RNF180: variants seen among roughly 807,000 people sequenced by gnomAD.
RNF180 encodes ring finger protein 180.
RNF180 carries 38 observed loss-of-function variants against 59.2 expected under a neutral mutation model. That is an observed-to-expected ratio of 0.64 (90% CI 0.50 to 0.84). RNF180 has a LOEUF of 0.84. Among genes scored for constraint, RNF180 ranks in the 40% least tolerant of loss-of-function variants. The probability of loss-of-function intolerance (pLI) is 0.00; values close to 1 mark genes in which losing one functional copy is unlikely to be tolerated. For synonymous variants in RNF180, 262 were observed against 240.3 expected (o/e 1.09, Z -0.84); for missense variants, 705 against 700.9 (o/e 1.01, Z -0.07).
chr5:64,263,472 TTAAC>T (rs1365282801), intron 5 of RNF180, among the ~76,000 whole-genome samples: 1 of 152,132 alleles, frequency 6.6e-6, no homozygotes, highest in Non-Finnish European at 1.5e-5. Flanking sequence ...TAAAAGAAAA[TTAAC>T]TATGTAATGA....
intron 5 of RNF180, among the ~76,000 whole-genome samples, chr5:64,240,378 C>A (rs931243408): frequency 3.3e-5 from 5 of 152,088 alleles, no homozygotes; most frequent in Admixed American, 1.3e-4. Flanking sequence ...GATTAGCAGG[C>A]CATATGCCTA....
At chr5:64,224,682 C>G (rs997696672) in intron 5 of RNF180, among the ~76,000 whole-genome samples, 3 of 152,122 alleles carry the variant, frequency 2.0e-5, no homozygotes, top group Admixed American at 6.5e-5. Context: ...GGGGAAATGT[C>G]AGTTGGGAGG....
chr5:64,340,320 G>A (rs554266667), intron 7 of RNF180, among the ~76,000 whole-genome samples: 1 of 152,244 alleles, frequency 6.6e-6, no homozygotes, highest in African/African-American at 2.4e-5. Flanking sequence ...ACAAAAACAT[G>A]CAGCTGAAAT....
chr5:64,249,028 T>G (rs1292300256), intron 5 of RNF180, among the ~76,000 whole-genome samples: 3 of 152,096 alleles, frequency 2.0e-5, no homozygotes, highest in Admixed American at 2.0e-4. Context: ...ACTGCATGTT[T>G]TCACTCATAA....
chr5:64,184,267 G>A (rs1386819018), intron 1 of RNF180, among the ~76,000 whole-genome samples: 3 of 152,124 alleles, frequency 2.0e-5, no homozygotes, highest in Admixed American at 2.0e-4. Flanking sequence ...CTTTGTTATG[G>A]TAGTACTAGC....
At chr5:64,264,415 A>G (rs1475187865) in intron 5 of RNF180, among the ~76,000 whole-genome samples, 6 of 151,440 alleles carry the variant, frequency 4.0e-5, no homozygotes, top group African/African-American at 1.2e-4. Context: ...AGTGTGTGGT[A>G]TTCCCCTCCC....
In RNF180 at chr5:64,213,642, T is replaced by G; in HGVS notation, c.316T>G (p.Ser106Ala). 3 of 1,614,190 alleles carry G rather than the reference T, an allele frequency of 1.9e-6. No homozygotes were observed. The South Asian group carries it at 3.3e-5, about 18-fold the overall frequency. ...GFNFVSTPKCSCGQLAAVHLS... is the reference protein window; with the variant it reads ...GFNFVSTPKCACGQLAAVHLS... ...TAATTTTGTCAGCACTCCAAAATGT[T>G]CCTGTGGCCAGCTTGCAGCTGTACA... Residue 106 changes from serine to alanine, a missense_variant, in exon 4 of 8, where the codon TCC (serine) becomes GCC (alanine). Coordinates refer to ENST00000389100, the MANE Select transcript of RNF180 (RefSeq NM_001113561.2).
chr5:64,170,851 G>T (rs1346199654), intron 1 of RNF180, among the ~76,000 whole-genome samples: 1 of 152,172 alleles, frequency 6.6e-6, no homozygotes, highest in Non-Finnish European at 1.5e-5. Flanking sequence ...TTTCCAGTGG[G>T]ATTCAAGAGC....
chr5:64,360,323 A>G (rs1746200507), intron 7 of RNF180, among the ~76,000 whole-genome samples: 2 of 151,806 alleles, frequency 1.3e-5, no homozygotes, highest in African/African-American at 4.8e-5. Context: ...CCACATGATT[A>G]TCTCAATAGA....
At chr5:64,281,553 A>C (rs778614476) in intron 5 of RNF180, among the ~76,000 whole-genome samples, 19 of 151,850 alleles carry the variant, frequency 1.3e-4, no homozygotes, top group Non-Finnish European at 2.5e-4. Context: ...GGCTGGAGTG[A>C]AGTGGCATGA....
chr5:64,346,055 G>A (rs1745540444), intron 7 of RNF180, among the ~76,000 whole-genome samples: 1 of 151,914 alleles, frequency 6.6e-6, no homozygotes, highest in African/African-American at 2.4e-5. Context: ...TGAGCATTTA[G>A]TTTGATGATA....
At chr5:64,331,590 C>T (rs1429172509) in intron 7 of RNF180, among the ~76,000 whole-genome samples, 2 of 152,146 alleles carry the variant, frequency 1.3e-5, no homozygotes, top group Admixed American at 1.3e-4. Context: ...CACTGTGGGT[C>T]TCCTGAGAAC....
At position 64,192,903 on chromosome 5, in the gene RNF180, G is replaced by GTGTGTATATA. The variant is rs1486448173; in HGVS notation, c.1-7904_1-7903insGTGTATATAT. On this transcript the variant is annotated intron_variant, in intron 1 of 7. Transcript: ENST00000389100. ...TGAATGCATGCAGAAAGTGTGGCAT[G>GTGTGTATATA]TATATATATATATATATATATATAT... Among the ~76,000 whole-genome samples, 28 of 93,868 alleles carry GTGTGTATATA rather than the reference G, an allele frequency of 3.0e-4. 1 individual carries two copies. The highest frequency in any genetic ancestry group is 1.1e-3 in the African/African-American group (26 of 24,114). The allele number at this position is 93,868 out of a possible 152,430, so 61.6% of individuals were successfully genotyped here.
rs1460323938 is a variant in RNF180 at position 64,330,264 on chromosome 5, C to T, written c.1454-17C>T. 1 of 1,399,270 alleles carries T rather than the reference C, an allele frequency of 7.1e-7. No individual in the cohort carries two copies. Among genetic ancestry groups the T allele is most frequent in the East Asian group, 2.5e-5 (1 of 40,084 alleles). 86.7% of individuals were successfully genotyped at this position (1,399,270 alleles called of 1,614,324 possible). On this transcript the variant is annotated splice_polypyrimidine_tract_variant and intron_variant, in intron 6 of 7. Coordinates refer to ENST00000389100, the MANE Select transcript of RNF180 (RefSeq NM_001113561.2). ...CAAATTAATTTCAAAATCCTATTTT[C>T]TTTTGCTTTATTCTAGAATTGAACA...
chr5:64,362,873 T>C (rs143110812), intron 7 of RNF180, among the ~76,000 whole-genome samples: 2,038 of 146,678 alleles, frequency 0.014, 35 homozygotes, highest in African/African-American at 0.037. Context: ...TTCTTGGCCA[T>C]ATGTATGTCT....
chr5:64,255,161 A>C (rs1220605038), intron 5 of RNF180, among the ~76,000 whole-genome samples: 2 of 152,100 alleles, frequency 1.3e-5, no homozygotes, highest in Admixed American at 6.6e-5. Flanking sequence ...AAGCTTCACA[A>C]TTCTTGGTAT....
Position 64,369,760 on chromosome 5 carries a change from G to A in RNF180, c.1725G>A (p.Trp575Ter). 1 of 1,530,748 alleles carries A rather than the reference G, an allele frequency of 6.5e-7. No homozygotes were observed. Among genetic ancestry groups the A allele is most frequent in the Non-Finnish European group, 8.8e-7 (1 of 1,139,764 alleles). 94.8% of individuals were successfully genotyped at this position (1,530,748 alleles called of 1,614,324 possible). ...MVIIYIYSVN[W>*]VIGFIVFCFL... ...TCATATATATTTATTCAGTGAACTG[G>A]GTCATTGGATTCATTGTTTTCTGCT... is the stretch of plus-strand genomic sequence containing the variant. The change falls in exon 8 of 8, where the codon TGG becomes TGA. Residue 575 changes from tryptophan to a stop codon, truncating the protein, a stop_gained. Coordinates refer to ENST00000389100, the MANE Select transcript of RNF180 (RefSeq NM_001113561.2). LOFTEE classifies it high-confidence loss of function.
intron 5 of RNF180, among the ~76,000 whole-genome samples, chr5:64,282,143 G>A (rs1742045655): frequency 6.6e-6 from 1 of 152,034 alleles, no homozygotes; most frequent in South Asian, 2.1e-4. Flanking sequence ...CTCTTCATAT[G>A]TCTGGTAGAA....
intron 5 of RNF180, among the ~76,000 whole-genome samples, chr5:64,298,506 G>T (rs1743007230): frequency 6.6e-6 from 1 of 151,986 alleles, no homozygotes; most frequent in Non-Finnish European, 1.5e-5. Context: ...CCTTTATGCA[G>T]TGAAACTTTC....
Sources: allele counts gnomAD v4.1 joint callset (sites outside exome capture counted in the v4.1 genomes callset), GRCh38; gene constraint gnomAD v4.1.1; transcripts MANE v1.5; gene names NCBI Gene and HGNC (gene_info 2026-07-23, HGNC 2026-07-21).